CNOT4: variants seen among roughly 807,000 people sequenced by gnomAD.
CNOT4 encodes the protein CCR4-NOT transcription complex subunit 4.
A neutral mutation model predicts 73.8 loss-of-function variants in CNOT4; 8 were observed. The observed-to-expected ratio is 0.11, with a 90% CI of 0.06 to 0.20. The LOEUF is 0.20. Among genes scored for constraint, CNOT4 ranks in the 10% least tolerant of loss-of-function variants. The probability of loss-of-function intolerance (pLI) is 1.00; values close to 1 mark genes in which losing one functional copy is unlikely to be tolerated. For missense variants in CNOT4, 564 were observed against 883.4 expected (o/e 0.64, Z 4.58); for synonymous variants, 293 against 321.1 (o/e 0.91, Z 0.94).
intron 1 of CNOT4, among the ~76,000 whole-genome samples, chr7:135,446,589 T>A (rs992845136): frequency 6.6e-6 from 1 of 152,156 alleles, no homozygotes. Flanking sequence ...CTTAAATATG[T>A]AGCTAGTGCA....
chr7:135,456,397 C>T (rs890821361), intron 1 of CNOT4, among the ~76,000 whole-genome samples: 1 of 152,022 alleles, frequency 6.6e-6, no homozygotes, highest in African/African-American at 2.4e-5. Context: ...AATCCTAGAC[C>T]TCTTTCAAAT....
At chr7:135,423,211 T>C (rs995451420) in intron 2 of CNOT4, among the ~76,000 whole-genome samples, 1 of 151,950 alleles carries the variant, frequency 6.6e-6, no homozygotes, top group Non-Finnish European at 1.5e-5. Context: ...CCAAGACCCG[T>C]GCACACACAA....
intron 10 of CNOT4, among the ~76,000 whole-genome samples, chr7:135,370,280 C>T (rs1164311949): frequency 1.3e-5 from 2 of 151,932 alleles, no homozygotes; most frequent in Non-Finnish European, 2.9e-5. Context: ...AAGTAACAGT[C>T]AAAACAACAA....
intron 10 of CNOT4, among the ~76,000 whole-genome samples, chr7:135,374,158 TC>T (rs1256043309): frequency 4.6e-5 from 7 of 152,158 alleles, no homozygotes; most frequent in African/African-American, 7.2e-5. Flanking sequence ...CTACTTCCTT[TC>T]CCCTTCTGCT....
intron 10 of CNOT4, among the ~76,000 whole-genome samples, chr7:135,393,090 T>A (rs1297882339): frequency 1.3e-5 from 2 of 152,160 alleles, no homozygotes; most frequent in African/African-American, 4.8e-5. Flanking sequence ...AAACTTTTTT[T>A]AACATCATCT....
intron 3 of CNOT4, among the ~76,000 whole-genome samples, chr7:135,420,610 A>T (rs1213440380): frequency 6.7e-6 from 1 of 149,368 alleles, no homozygotes; most frequent in African/African-American, 2.5e-5. Flanking sequence ...GTAGATTCTA[A>T]TCAGTAAGAT....
In CNOT4 at chr7:135,503,325, C is replaced by T. The variant is rs546495667; in HGVS notation, c.-93+6564G>A. Among the ~76,000 whole-genome samples, 8 of 152,028 alleles carry T rather than the reference C, an allele frequency of 5.3e-5. No individual in the cohort carries two copies. In the East Asian group the frequency reaches 1.4e-3, roughly 26 times the overall value. ...ACAAAAAATAAGAAAATTAGCTGGG[C>T]ATGGTCCTGTGCCTGTAGTCAGAGC... On this transcript the variant is annotated intron_variant, in intron 1 of 11. Coordinates refer to ENST00000541284, the MANE Select transcript of CNOT4 (RefSeq NM_001190850.2).
chr7:135,369,406 C>T (rs998130), intron 10 of CNOT4, among the ~76,000 whole-genome samples: 5,899 of 152,294 alleles, frequency 0.039, 363 homozygotes, highest in African/African-American at 0.13. Context: ...TACCGGGAAG[C>T]AGTCACTGAG....
At chr7:135,443,818 T>C (rs1023079304) in intron 1 of CNOT4, among the ~76,000 whole-genome samples, 2 of 152,078 alleles carry the variant, frequency 1.3e-5, no homozygotes, top group Non-Finnish European at 2.9e-5. Flanking sequence ...GTATACATGG[T>C]TTTGTGTTTA....
intron 1 of CNOT4, among the ~76,000 whole-genome samples, chr7:135,497,500 T>A (rs1045037782): frequency 1.2e-4 from 18 of 152,146 alleles, no homozygotes; most frequent in Admixed American, 6.5e-4. Flanking sequence ...CAGGTTCTGT[T>A]TGGGTTGCTT....
chr7:135,447,734 T>G (rs1799916295), intron 1 of CNOT4, among the ~76,000 whole-genome samples: 1 of 152,210 alleles, frequency 6.6e-6, no homozygotes, highest in East Asian at 1.9e-4. Flanking sequence ...AAAGGCATTT[T>G]GGAAGAGATT....
intron 2 of CNOT4, among the ~76,000 whole-genome samples, chr7:135,435,780 T>C (rs752774614): frequency 4.6e-5 from 7 of 152,330 alleles, no homozygotes; most frequent in Non-Finnish European, 8.8e-5. Context: ...TTTGTGACTG[T>C]AGCAAAGACA....
chr7:135,421,700 A>G (rs764124752), intron 3 of CNOT4, among the ~76,000 whole-genome samples: 4 of 152,232 alleles, frequency 2.6e-5, no homozygotes, highest in Non-Finnish European at 5.9e-5. Flanking sequence ...CAGTATAGTA[A>G]TAGTTCTGAA....
chr7:135,492,695 G>A (rs946256338), intron 1 of CNOT4, among the ~76,000 whole-genome samples: 3 of 152,174 alleles, frequency 2.0e-5, no homozygotes, highest in African/African-American at 7.2e-5. Flanking sequence ...TCTTTGGGAG[G>A]CCAAGAAAGG....
At chr7:135,444,938 T>C in intron 1 of CNOT4, 3 of 1,581,328 alleles carry the variant, frequency 1.9e-6, no homozygotes, top group East Asian at 2.2e-5. Context: ...TCTGACCTTT[T>C]TGACTTCATA....
intron 1 of CNOT4, among the ~76,000 whole-genome samples, chr7:135,489,757 T>C (rs1802985723): frequency 6.6e-6 from 1 of 152,018 alleles, no homozygotes; most frequent in Non-Finnish European, 1.5e-5. Flanking sequence ...TACTGGACAA[T>C]AAAGGTCTAA....
At chr7:135,464,325 A>G (rs1480818443) in intron 1 of CNOT4, among the ~76,000 whole-genome samples, 2 of 152,228 alleles carry the variant, frequency 1.3e-5, no homozygotes, top group Non-Finnish European at 2.9e-5. Flanking sequence ...AATGTGGTAC[A>G]TATACACCAT....
intron 1 of CNOT4, among the ~76,000 whole-genome samples, chr7:135,465,125 T>C (rs1270163739): frequency 1.3e-5 from 2 of 152,244 alleles, no homozygotes; most frequent in African/African-American, 4.8e-5. Context: ...CCTAAGCTGC[T>C]GCTCTCTGGT....
At chr7:135,369,268 GATTT>G (rs979130377) in intron 10 of CNOT4, among the ~76,000 whole-genome samples, 1 of 152,196 alleles carries the variant, frequency 6.6e-6, no homozygotes, top group Non-Finnish European at 1.5e-5. Context: ...AATTCCAGTA[GATTT>G]GTTTCCACGA....
Sources: allele counts gnomAD v4.1 joint callset (sites outside exome capture counted in the v4.1 genomes callset), GRCh38; gene constraint gnomAD v4.1.1; transcripts MANE v1.5; gene names NCBI Gene and HGNC (gene_info 2026-07-23, HGNC 2026-07-21).